The following UNC5D variants were observed in gnomAD, a reference collection of about 807,000 sequenced individuals.
The protein encoded by UNC5D is netrin receptor UNC5D.
In UNC5D, 39 loss-of-function variants were observed where a neutral mutation model predicts 105.4. That is an observed-to-expected ratio of 0.37 (90% CI 0.29 to 0.48). The LOEUF (loss-of-function observed/expected upper bound fraction) is 0.48, where lower values mean the gene tolerates loss of function less well. UNC5D is among the 20% of genes least tolerant of loss of function. UNC5D has a pLI of 0.98. For synonymous variants in UNC5D, 452 were observed against 450.4 expected (o/e 1.00, Z -0.04); for missense variants, 991 against 1,202.4 (o/e 0.82, Z 2.60).
intron 1 of UNC5D, among the ~76,000 whole-genome samples, chr8:35,535,809 T>C (rs1428292197): frequency 1.3e-5 from 2 of 152,216 alleles, no homozygotes; most frequent in Non-Finnish European, 2.9e-5. Context: ...TAATTAATAA[T>C]AATATGCTAA....
At chr8:35,592,339 G>A (rs1819222598) in intron 3 of UNC5D, among the ~76,000 whole-genome samples, 1 of 152,124 alleles carries the variant, frequency 6.6e-6, no homozygotes, top group East Asian at 1.9e-4. Flanking sequence ...ATCTATTTTC[G>A]GTTCTATGGT....
At chr8:35,361,522 G>C (rs1801850970) in intron 1 of UNC5D, among the ~76,000 whole-genome samples, 1 of 152,112 alleles carries the variant, frequency 6.6e-6, no homozygotes, top group Non-Finnish European at 1.5e-5. Flanking sequence ...AACTCGGAAT[G>C]CTTAGAAATC....
rs916482335 is a variant in UNC5D at position 35,347,669 on chromosome 8, T to C, written c.103+111782T>C. Among the ~76,000 whole-genome samples, 9 of 152,120 alleles carry C rather than the reference T, an allele frequency of 5.9e-5. No homozygotes were observed. The East Asian group carries it at 1.5e-3, about 26-fold the overall frequency. On this transcript the variant is annotated intron_variant, in intron 1 of 16. Coordinates refer to ENST00000404895, the MANE Select transcript of UNC5D (RefSeq NM_080872.4). Reference sequence around the variant, plus strand: ...TCCAACACTTCTCTCCTTGCTAAGTTCACTTCTGTGAACCATAATCTAATC... The same window carrying C: ...TCCAACACTTCTCTCCTTGCTAAGTCCACTTCTGTGAACCATAATCTAATC...
At chr8:35,263,599 G>C (rs1425721612) in intron 1 of UNC5D, among the ~76,000 whole-genome samples, 1 of 152,098 alleles carries the variant, frequency 6.6e-6, no homozygotes, top group East Asian at 1.9e-4. Context: ...AGTTTTTCTA[G>C]CCACCTAATA....
intron 1 of UNC5D, among the ~76,000 whole-genome samples, chr8:35,366,293 C>T (rs1376322826): frequency 6.6e-6 from 1 of 152,050 alleles, no homozygotes; most frequent in East Asian, 1.9e-4. Context: ...TAAGGAACTT[C>T]TTCCATGTGC....
At chr8:35,686,805 T>A (rs1478201484) in intron 7 of UNC5D, 96 bp downstream of exon 7, 1 of 1,459,134 alleles carries the variant, frequency 6.9e-7, no homozygotes, top group East Asian at 2.6e-5. Context: ...GTTAAATAAG[T>A]TAGCAGAAAG....
chr8:35,317,039 A>C (rs1809360689), intron 1 of UNC5D, among the ~76,000 whole-genome samples: 2 of 152,194 alleles, frequency 1.3e-5, no homozygotes, highest in South Asian at 4.1e-4. Context: ...GAAGAAACGT[A>C]GACAGCAGAT....
Position 35,792,099 on chromosome 8 carries a change from G to A in UNC5D, c.*1536G>A, listed in dbSNP as rs936265683. On this transcript the variant is annotated 3_prime_UTR_variant, in exon 17 of 17. Coordinates refer to ENST00000404895, the MANE Select transcript of UNC5D (RefSeq NM_080872.4). ...AGCTACTTAGAGGTTGGTTACATTC[G>A]AATAAAAAGTAGTCAGGGAATGGGG... is the stretch of plus-strand genomic sequence containing the variant. The A allele has an allele frequency of 1.3e-5, 2 of 152,086 alleles. No individual in the cohort carries two copies. The highest frequency in any genetic ancestry group is 4.8e-5 in the African/African-American group (2 of 41,408). 9.4% of individuals were successfully genotyped at this position (152,086 alleles called of 1,614,324 possible). A position where few individuals can be genotyped will look rare whatever the true frequency, so the allele number is the denominator to read the frequency against.
At chr8:35,567,094 TA>T (rs1430708467) in intron 2 of UNC5D, among the ~76,000 whole-genome samples, 1 of 151,906 alleles carries the variant, frequency 6.6e-6, no homozygotes, top group Non-Finnish European at 1.5e-5. Context: ...AAAAAACCAT[TA>T]AAAGGTTGTG....
At chr8:35,327,633 G>C (rs1376010043) in intron 1 of UNC5D, among the ~76,000 whole-genome samples, 3 of 152,124 alleles carry the variant, frequency 2.0e-5, no homozygotes, top group African/African-American at 4.8e-5. Context: ...TCTGTTGTGG[G>C]GGGGGGATCT....
chr8:35,252,921 T>C (rs1803810725), intron 1 of UNC5D, among the ~76,000 whole-genome samples: 1 of 152,210 alleles, frequency 6.6e-6, no homozygotes, highest in Non-Finnish European at 1.5e-5. Flanking sequence ...TTACTGGATA[T>C]AATATGATTA....
intron 2 of UNC5D, among the ~76,000 whole-genome samples, chr8:35,550,028 G>A (rs1992251): frequency 0.15 from 22,316 of 147,744 alleles, 2,108 homozygotes; most frequent in East Asian, 0.27. Context: ...AGGATCTCCA[G>A]TATGAAAGAA....
At chr8:35,535,437 G>T (rs1814761992) in intron 1 of UNC5D, among the ~76,000 whole-genome samples, 1 of 142,476 alleles carries the variant, frequency 7.0e-6, no homozygotes, top group Non-Finnish European at 1.5e-5. Flanking sequence ...TGTTGTTGCT[G>T]TTTTTTTTTT....
chr8:35,446,474 A>G (rs1807802285), intron 1 of UNC5D, among the ~76,000 whole-genome samples: 1 of 151,970 alleles, frequency 6.6e-6, no homozygotes, highest in Non-Finnish European at 1.5e-5. Context: ...TAAGATGTAG[A>G]TCTAATTTTT....
chr8:35,287,566 G>A (rs376271557), intron 1 of UNC5D, among the ~76,000 whole-genome samples: 83 of 6,038 alleles, frequency 0.014, no homozygotes, highest in East Asian at 0.25. Flanking sequence ...GGGCTGAGGC[G>A]GCTAATCATT....
intron 1 of UNC5D, among the ~76,000 whole-genome samples, chr8:35,538,253 G>A (rs1381831556): frequency 6.6e-6 from 1 of 151,388 alleles, no homozygotes; most frequent in African/African-American, 2.4e-5. Context: ...ATCTCCAGGT[G>A]AAGAGAGTTT....
In UNC5D at chr8:35,767,065, A is replaced by C. The variant is rs771476403; in HGVS notation, c.2477A>C (p.Glu826Ala). The C allele has an allele frequency of 7.8e-5, 125 of 1,611,058 alleles. No individual in the cohort carries two copies. The highest frequency in any genetic ancestry group is 1.2e-4 in the Admixed American group (7 of 59,742). The change falls in exon 15 of 17, where the codon GAG (glutamate) becomes GCG (alanine). Residue 826 changes from glutamate to alanine, a missense_variant and splice_region_variant. Coordinates refer to ENST00000404895, the MANE Select transcript of UNC5D (RefSeq NM_080872.4). ...QILQVQTSIL[E>A]SERETITFFA... ...CTCCAAGTGCAGACATCAATCCTAG[A>C]GGTGAGTCCTTGATCTACAGGTCAT...
intron 1 of UNC5D, among the ~76,000 whole-genome samples, chr8:35,409,226 G>C (rs1414577940): frequency 6.6e-6 from 1 of 151,898 alleles, no homozygotes; most frequent in African/African-American, 2.4e-5. Flanking sequence ...GTTTCTCTGT[G>C]GACATACGTC....
At chr8:35,578,684 A>G (rs1264999523) in intron 3 of UNC5D, among the ~76,000 whole-genome samples, 1 of 152,188 alleles carries the variant, frequency 6.6e-6, no homozygotes, top group East Asian at 1.9e-4. Flanking sequence ...AAGCATTTTA[A>G]TAGACAGTGT....
Sources: gnomAD v4.1 joint callset for allele counts (sites outside exome capture counted in the v4.1 genomes callset) on GRCh38, gnomAD v4.1.1 for gene constraint, MANE v1.5 for transcripts, NCBI Gene and HGNC (gene_info 2026-07-23, HGNC 2026-07-21) for gene names.